Variants in NEDD4 observed in about 807,000 individuals in gnomAD.
The protein encoded by NEDD4 is E3 ubiquitin-protein ligase NEDD4.
NEDD4 carries 99 observed loss-of-function variants against 144.9 expected under a neutral mutation model. The observed-to-expected ratio is 0.68, with a 90% CI of 0.58 to 0.81. The LOEUF (loss-of-function observed/expected upper bound fraction) is 0.81, where lower values mean the gene tolerates loss of function less well. Among genes scored for constraint, NEDD4 ranks in the 30% least tolerant of loss-of-function variants. The pLI, the probability that NEDD4 is intolerant of heterozygous loss-of-function variation, is 0.00. For missense variants in NEDD4, 985 were observed against 1,065.9 expected, an observed-to-expected ratio of 0.92 and a Z score of 1.06; for synonymous variants, 318 against 350.6, an observed-to-expected ratio of 0.91 and a Z score of 1.04.
intron 18 of NEDD4, among the ~76,000 whole-genome samples, chr15:55,844,591 T>C (rs1566905030): frequency 6.6e-6 from 1 of 152,160 alleles, no homozygotes; most frequent in Non-Finnish European, 1.5e-5. Flanking sequence ...AGGTTACATG[T>C]CTTTTCTAAG....
chr15:55,973,661 G>T (rs536594647), intron 1 of NEDD4, among the ~76,000 whole-genome samples: 1 of 152,040 alleles, frequency 6.6e-6, no homozygotes, highest in Non-Finnish European at 1.5e-5. Context: ...AAATTAAACA[G>T]TATGCTCCTG....
In NEDD4 at chr15:55,869,593, C is replaced by G; in HGVS notation, c.493G>C (p.Ala165Pro). The change falls in exon 8 of 29, where the codon GCT (alanine) becomes CCT (proline). Residue 165 changes from alanine (A) to proline (P), a missense_variant. Physicochemically the swap from Ala to Pro is conservative, Grantham distance 27. Transcript: ENST00000435532. Reference sequence around the variant, plus strand: ...TAAAATCTCACCTCTAATTCCTCAGCCTGTTCTGCATTATCATCTTCTGAG... The same window carrying G: ...TAAAATCTCACCTCTAATTCCTCAGGCTGTTCTGCATTATCATCTTCTGAG... ...SGSEDDNAEQ[A>P]EELEPGWVVL... The G allele has an allele frequency of 2.5e-6, 4 of 1,577,446 alleles. No individual in the cohort carries two copies. Among genetic ancestry groups the G allele is most frequent in the Non-Finnish European group, 3.5e-6 (4 of 1,159,294 alleles).
In NEDD4 at chr15:55,986,604, T is replaced by TTG. The variant is rs1370469051; in HGVS notation, c.45+6905_45+6906dup. Among the ~76,000 whole-genome samples the TTG allele has an allele frequency of 2.5e-4, 32 of 126,132 alleles. 3 individuals are homozygous for TTG. In the East Asian group the frequency reaches 2.7e-3, roughly 11 times the overall value. The allele number at this position is 126,132 out of a possible 152,430, so 82.7% of individuals were successfully genotyped here. A position where few individuals can be genotyped will look rare whatever the true frequency, so the allele number is the denominator to read the frequency against. On this transcript the variant is annotated intron_variant, in intron 1 of 28. Coordinates refer to ENST00000435532, the MANE Select transcript of NEDD4 (RefSeq NM_006154.4). ...GCTTTTTTTTTTTTTTTTTTTTTTTTTGTGAGACGGAGTCTCGCTCCGTCG... is the reference window on the plus strand; with the variant it reads ...GCTTTTTTTTTTTTTTTTTTTTTTTTTGTGTGAGACGGAGTCTCGCTCCGTCG...
chr15:55,911,945 C>G (rs2036289812), intron 5 of NEDD4, among the ~76,000 whole-genome samples: 1 of 152,158 alleles, frequency 6.6e-6, no homozygotes, highest in South Asian at 2.1e-4. Context: ...GTGCCTGGCA[C>G]TCAAATGTGT....
intron 4 of NEDD4, among the ~76,000 whole-genome samples, chr15:55,950,067 C>G (rs1194903441): frequency 6.6e-6 from 1 of 152,002 alleles, no homozygotes. Context: ...AAACACTCTC[C>G]TAACCAACAC....
At chr15:55,953,719 G>A (rs768400983) in intron 2 of NEDD4, among the ~76,000 whole-genome samples, 1 of 151,650 alleles carries the variant, frequency 6.6e-6, no homozygotes, top group East Asian at 2.0e-4. Flanking sequence ...TGGGATTACA[G>A]GCATGAGCCA....
At chr15:55,942,585 G>A (rs2037027269) in intron 4 of NEDD4, among the ~76,000 whole-genome samples, 2 of 152,234 alleles carry the variant, frequency 1.3e-5, no homozygotes, top group African/African-American at 4.8e-5. Flanking sequence ...TGTCACAATT[G>A]TTAAGTTTCC....
intron 14 of NEDD4, 102 bp downstream of exon 14, chr15:55,850,440 G>A (rs1172630684): frequency 9.5e-7 from 1 of 1,053,480 alleles, no homozygotes; most frequent in African/African-American, 1.6e-5. Flanking sequence ...TGAATATTAG[G>A]AAACATAGGT....
intron 21 of NEDD4, among the ~76,000 whole-genome samples, chr15:55,839,277 C>T (rs758547640): frequency 6.6e-6 from 1 of 152,100 alleles, no homozygotes; most frequent in Non-Finnish European, 1.5e-5. Context: ...GATCCACCTG[C>T]CTCAGCTTCC....
chr15:55,923,838 TAA>T (rs67519209), intron 5 of NEDD4, among the ~76,000 whole-genome samples: 8 of 150,398 alleles, frequency 5.3e-5, no homozygotes, highest in Non-Finnish European at 8.9e-5. Flanking sequence ...GACTTTTTTT[TAA>T]AAAAAAAGCT....
intron 22 of NEDD4, 62 bp downstream of exon 22, chr15:55,838,443 CGTAT>C: frequency 9.4e-7 from 1 of 1,064,740 alleles, no homozygotes; most frequent in Non-Finnish European, 1.5e-6. Flanking sequence ...ATTAAGTGTA[CGTAT>C]TAACATCTAA....
chr15:55,841,979 T>C lies in NEDD4; in HGVS notation c.1793A>G (p.Lys598Arg). 6.2e-7 allele frequency: 1 copy of C among 1,614,214 alleles called. No individual in the cohort carries two copies. The highest frequency in any genetic ancestry group is 8.5e-7 in the Non-Finnish European group (1 of 1,180,026). Residue 598 changes from lysine (K) to arginine (R), a missense_variant, in exon 19 of 29, where the codon AAG becomes AGG. Lys to Arg is a conservative substitution (Grantham distance 26). Coordinates refer to ENST00000435532, the MANE Select transcript of NEDD4 (RefSeq NM_006154.4). ...CCCATAATAAGGGTTAAACATTTCCTTTGAGATCAGGAAGAACCATTCTCT... is the reference window on the plus strand; with the variant it reads ...CCCATAATAAGGGTTAAACATTTCCCTTGAGATCAGGAAGAACCATTCTCT... ...VAREWFFLIS[K>R]EMFNPYYGLF...
chr15:55,975,476 T>C (rs574467172), intron 1 of NEDD4, among the ~76,000 whole-genome samples: 1 of 152,170 alleles, frequency 6.6e-6, no homozygotes, highest in African/African-American at 2.4e-5. Flanking sequence ...CATTTTTATA[T>C]GCCAACAGTG....
intron 8 of NEDD4, among the ~76,000 whole-genome samples, chr15:55,866,657 T>G (rs1376981931): frequency 6.6e-6 from 1 of 152,176 alleles, no homozygotes; most frequent in African/African-American, 2.4e-5. Flanking sequence ...TTAAAGCTTC[T>G]TAGAGATTTC....
chr15:55,916,299 C>T (rs375873855), intron 5 of NEDD4: 3 of 1,614,024 alleles, frequency 1.9e-6, no homozygotes, highest in Non-Finnish European at 2.5e-6. Flanking sequence ...ATATGAACCT[C>T]CACTTGTGAT....
At chr15:55,921,272 A>G (rs1595846587) in intron 5 of NEDD4, among the ~76,000 whole-genome samples, 1 of 152,292 alleles carries the variant, frequency 6.6e-6, no homozygotes, top group African/African-American at 2.4e-5. Flanking sequence ...CCCCAAAAGA[A>G]AGGCAGGATT....
intron 1 of NEDD4, among the ~76,000 whole-genome samples, chr15:55,981,412 G>A (rs146285888): frequency 3.9e-5 from 6 of 151,980 alleles, no homozygotes; most frequent in South Asian, 2.1e-4. Flanking sequence ...TACGGTGACC[G>A]TATTTTCCAA....
chr15:55,852,724 T>TATATATATATATATATATA (rs1566910889), intron 12 of NEDD4, among the ~76,000 whole-genome samples, 181 bp from the exon 13 acceptor site: 4 of 128,770 alleles, frequency 3.1e-5, no homozygotes, highest in African/African-American at 1.1e-4. Context: ...TATATATATA[T>TATATATATATATATATATA]TTACCTTTTC....
intron 2 of NEDD4, among the ~76,000 whole-genome samples, chr15:55,959,142 G>C (rs2037386531): frequency 6.6e-6 from 1 of 151,528 alleles, no homozygotes; most frequent in African/African-American, 2.4e-5. Context: ...CCTTTTCTAA[G>C]TTAAGCATTT....
Sources: allele counts gnomAD v4.1 joint callset (sites outside exome capture counted in the v4.1 genomes callset), GRCh38; gene constraint gnomAD v4.1.1; transcripts MANE v1.5; gene names NCBI Gene and HGNC (gene_info 2026-07-23, HGNC 2026-07-21).